Variants in CSMD3 observed in about 807,000 individuals in gnomAD.
CSMD3 encodes CUB and sushi domain-containing protein 3.
CSMD3 carries 177 observed loss-of-function variants against 435.2 expected under a neutral mutation model. The observed-to-expected ratio is 0.41, with a 90% confidence interval of 0.36 to 0.46. The LOEUF is 0.46. Ranked by LOEUF, CSMD3 falls within the 20% of genes least tolerant of loss-of-function variation. CSMD3 has a pLI of 0.34. For missense variants in CSMD3, 4,265 were observed against 4,504.6 expected, an observed-to-expected ratio of 0.95 and a Z score of 1.52; for synonymous variants, 1,656 against 1,520.5, an observed-to-expected ratio of 1.09 and a Z score of -2.07.
At chr8:113,285,555 C>T (rs981046537) in intron 2 of CSMD3, among the ~76,000 whole-genome samples, 14 of 152,000 alleles carry the variant, frequency 9.2e-5, no homozygotes, top group East Asian at 1.9e-4. Flanking sequence ...CACCCCGCCC[C>T]GCCAGTTGGT....
At chr8:112,565,795 TACTC>T (rs1829014020) in intron 24 of CSMD3, among the ~76,000 whole-genome samples, 1 of 152,094 alleles carries the variant, frequency 6.6e-6, no homozygotes, top group South Asian at 2.1e-4. Context: ...CTGTTAAAAA[TACTC>T]AATTCCTTTT....
chr8:112,354,797 C>T (rs566064056), intron 38 of CSMD3, among the ~76,000 whole-genome samples: 8 of 152,256 alleles, frequency 5.3e-5, no homozygotes, highest in African/African-American at 1.7e-4. Context: ...AGATTCAATG[C>T]TATTTCCATC....
At chr8:113,364,681 A>G (rs1281614272) in intron 1 of CSMD3, among the ~76,000 whole-genome samples, 1 of 152,108 alleles carries the variant, frequency 6.6e-6, no homozygotes, top group Non-Finnish European at 1.5e-5. Context: ...TCTCCAAAAT[A>G]TACATGAGAT....
intron 13 of CSMD3, among the ~76,000 whole-genome samples, chr8:112,715,759 G>A (rs956961023): frequency 1.3e-5 from 2 of 152,146 alleles, no homozygotes; most frequent in African/African-American, 4.8e-5. Context: ...GGAATGCAAC[G>A]CTGGTTCAAC....
chr8:113,123,179 C>T (rs2091034180), intron 4 of CSMD3, among the ~76,000 whole-genome samples: 1 of 152,014 alleles, frequency 6.6e-6, no homozygotes, highest in Non-Finnish European at 1.5e-5. Context: ...ATATCTAATC[C>T]AGCAACCTTG....
Position 113,367,171 on chromosome 8 carries a change from A to G in CSMD3, c.179-52378T>C, listed in dbSNP as rs570053399. 8.6e-4 allele frequency among the ~76,000 whole-genome samples: 130 copies of G among 152,020 alleles called. 1 individual carries two copies. The highest frequency in any genetic ancestry group is 2.7e-3 in the African/African-American group (114 of 41,564). On this transcript the variant is annotated intron_variant, in intron 1 of 70. Transcript: ENST00000297405. ...TGGATAATACCTACTATTATAAAAT[A>G]TAATTACTTATGCTATCAAATTTCC...
intron 54 of CSMD3, among the ~76,000 whole-genome samples, chr8:112,295,364 C>T (rs1425055922): frequency 6.6e-6 from 1 of 151,988 alleles, no homozygotes; most frequent in Admixed American, 6.6e-5. Flanking sequence ...AATATATTCC[C>T]CACTGTGCTT....
chr8:112,374,667 G>A (rs1389319357), intron 38 of CSMD3, among the ~76,000 whole-genome samples: 1 of 152,020 alleles, frequency 6.6e-6, no homozygotes, highest in Non-Finnish European at 1.5e-5. Context: ...AAATAATAAT[G>A]TTCCATTTAA....
intron 5 of CSMD3, among the ~76,000 whole-genome samples, chr8:113,085,941 T>C (rs1423183763): frequency 2.0e-5 from 3 of 152,012 alleles, no homozygotes; most frequent in South Asian, 2.1e-4. Context: ...ATGTTCCCAA[T>C]AAAAAGAGCC....
At chr8:112,255,934 T>G (rs1815748001) in intron 61 of CSMD3, 1 of 152,754 alleles carries the variant, frequency 6.5e-6, no homozygotes, top group African/African-American at 2.4e-5. Flanking sequence ...TCCCAGAAAC[T>G]TATTGCCTTC....
chr8:112,453,681 T>C (rs996057824), intron 32 of CSMD3, among the ~76,000 whole-genome samples: 3 of 152,180 alleles, frequency 2.0e-5, no homozygotes, highest in African/African-American at 7.2e-5. Context: ...AAAATGGTCA[T>C]ATTGCCAAAA....
At chr8:113,030,818 A>G (rs2087077014) in intron 5 of CSMD3, among the ~76,000 whole-genome samples, 1 of 151,574 alleles carries the variant, frequency 6.6e-6, no homozygotes, top group African/African-American at 2.4e-5. Context: ...CCCAAATGCA[A>G]CTGTTAAAAA....
At position 112,311,138 on chromosome 8, in the gene CSMD3, T is replaced by TG; in HGVS notation, c.7724dup (p.Pro2576ThrfsTer14). 1 of 1,613,590 alleles carries TG rather than the reference T, an allele frequency of 6.2e-7. No homozygotes were observed. The highest frequency in any genetic ancestry group is 8.5e-7 in the Non-Finnish European group (1 of 1,179,870). ...TCTGACTGATAATATATCCATGAGG[T>TG]GGGGATTCTGGTGTACTACAGTAGA... On this transcript the variant is annotated frameshift_variant, in exon 50 of 71. Transcript: ENST00000297405. LOFTEE classifies it high-confidence loss of function.
rs1323954599 is a variant in CSMD3, at chr8:112,525,822, A to AT, written c.4565-8598_4565-8597insA. Among the ~76,000 whole-genome samples the AT allele has an allele frequency of 5.3e-3, 388 of 72,816 alleles. 1 individual carries two copies. The highest frequency in any genetic ancestry group is 0.018 in the African/African-American group (372 of 20,590). 47.8% of individuals were successfully genotyped at this position (72,816 alleles called of 152,430 possible). ...TATATATATATATACACACACATAT[A>AT]AAAAATATATATATATATATACAGG... On this transcript the variant is annotated intron_variant, in intron 27 of 70. Transcript: ENST00000297405.
chr8:112,390,783 A>T lies in CSMD3; in HGVS notation c.5815T>A (p.Cys1939Ser), dbSNP rs2129726652. 1 of 1,613,660 alleles carries T rather than the reference A, an allele frequency of 6.2e-7. No homozygotes were observed. Among genetic ancestry groups the T allele is most frequent in the Non-Finnish European group, 8.5e-7 (1 of 1,179,594 alleles). Residue 1939 changes from cysteine (C) to serine (S), a missense_variant, in exon 36 of 71, where the codon TGT becomes AGT. By Grantham distance (112) the Cys-to-Ser change is moderately radical (BLOSUM62 -1). Around this residue, in one of 3 missense-constraint regions of CSMD3, gnomAD observed 3,255 missense variants for 3,380.2 expected, o/e 0.96. Coordinates refer to ENST00000297405, the MANE Select transcript of CSMD3 (RefSeq NM_198123.2). ...TTGCGCTTAGTTAAAATTCCACCAC[A>T]GGGCACTGAAAATAAAGCAGTCCAA... is the stretch of plus-strand genomic sequence containing the variant. ...NDSLPTCIVP[C>S]GGILTKRKGT...
At chr8:112,305,763 A>C (rs1821358217) in intron 51 of CSMD3, among the ~76,000 whole-genome samples, 1 of 152,182 alleles carries the variant, frequency 6.6e-6, no homozygotes, top group Non-Finnish European at 1.5e-5. Context: ...ATAAAACATC[A>C]TTGTATAAAA....
intron 53 of CSMD3, among the ~76,000 whole-genome samples, chr8:112,296,857 AC>A (rs1820343156): frequency 6.6e-6 from 1 of 151,936 alleles, no homozygotes; most frequent in South Asian, 2.1e-4. Flanking sequence ...CCCTATTAAC[AC>A]CAAAAAGGAG....
intron 6 of CSMD3, among the ~76,000 whole-genome samples, chr8:112,984,760 A>G (rs2085186778): frequency 6.6e-6 from 1 of 152,066 alleles, no homozygotes; most frequent in Non-Finnish European, 1.5e-5. Context: ...GAAAAAACAA[A>G]CCCTATCTTG....
intron 15 of CSMD3, among the ~76,000 whole-genome samples, 166 bp downstream of exon 15, chr8:112,685,240 T>C (rs941209145): frequency 1.3e-5 from 2 of 152,078 alleles, no homozygotes; most frequent in Non-Finnish European, 2.9e-5. Flanking sequence ...GAGAGTAAAA[T>C]GTGATTGGAA....
Sources: gnomAD v4.1 joint callset for allele counts (sites outside exome capture counted in the v4.1 genomes callset) on GRCh38, gnomAD v4.1.1 for gene constraint, gnomAD v4.1.1 regional missense constraint, MANE v1.5 for transcripts, NCBI Gene and HGNC (gene_info 2026-07-23, HGNC 2026-07-21) for gene names.